The following SPATC1 variants were observed in gnomAD, a reference collection of about 807,000 sequenced individuals.
The protein encoded by SPATC1 is speriolin.
A neutral mutation model predicts 36.5 loss-of-function variants in SPATC1; 35 were observed. That is an observed-to-expected ratio of 0.96 (90% CI 0.73 to 1.27). The LOEUF (loss-of-function observed/expected upper bound fraction) is 1.27, where lower values mean the gene tolerates loss of function less well. Among genes scored for constraint, SPATC1 ranks in the 50% most tolerant of loss-of-function variants. The pLI is 0.00. For missense variants in SPATC1, 779 were observed against 796.0 expected (o/e 0.98, Z 0.26); for synonymous variants, 361 against 353.6 (o/e 1.02, Z -0.24).
intron 1 of SPATC1, among the ~76,000 whole-genome samples, chr8:144,034,062 T>C (rs1212361563): frequency 6.6e-6 from 1 of 152,250 alleles, no homozygotes; most frequent in Non-Finnish European, 1.5e-5. Flanking sequence ...TTTACTTCTA[T>C]CAATCTGAGT....
chr8:144,046,695 G>C lies in SPATC1; in HGVS notation c.1515G>C (p.Val505=). The change falls in exon 5 of 5, where the codon GTG becomes GTC. Residue 505 remains valine, a synonymous_variant. Coordinates refer to ENST00000377470, the MANE Select transcript of SPATC1 (RefSeq NM_198572.3). This position sits in a 1 kb window ranked among gnomAD's most constrained non-coding sequence, Gnocchi z 6.6. The part of the protein sequence containing the change: ...KLCQRLTQRY[V]SVMNRLQSLG... The stretch of plus-strand genomic sequence containing the variant: ...GCCAGAGGCTCACACAGCGCTATGT[G>C]AGCGTCATGAACAGGCTGCAGAGTC... The C allele has an allele frequency of 6.2e-7, 1 of 1,612,554 alleles. No individual in the cohort carries two copies. The highest frequency in any genetic ancestry group is 8.5e-7 in the Non-Finnish European group (1 of 1,179,972).
Position 144,046,591 on chromosome 8 carries a change from G to C in SPATC1, c.1447-36G>C. 6.3e-7 allele frequency: 1 copy of C among 1,575,092 alleles called. No homozygotes were observed. Among genetic ancestry groups the C allele is most frequent in the Non-Finnish European group, 8.6e-7 (1 of 1,162,258 alleles). On this transcript the variant is annotated intron_variant, in intron 4 of 4. Transcript: ENST00000377470. This position sits in a 1 kb window ranked among gnomAD's most constrained non-coding sequence, Gnocchi z 6.6. Reference sequence around the variant, plus strand: ...TTACCTGCCTGTGTGTGGAGGTGTGGCAAGGGAGGGTCCCTGATGGCCGCT... The same window carrying C: ...TTACCTGCCTGTGTGTGGAGGTGTGCCAAGGGAGGGTCCCTGATGGCCGCT...
At chr8:144,034,297 G>A (rs1286260612) in intron 1 of SPATC1, among the ~76,000 whole-genome samples, 7 of 152,222 alleles carry the variant, frequency 4.6e-5, no homozygotes, top group Non-Finnish European at 2.9e-5. Flanking sequence ...TCCACATGAG[G>A]CTGGGCCACC....
chr8:144,027,031 A>G (rs1305804250), intron 1 of SPATC1, among the ~76,000 whole-genome samples: 2 of 122,394 alleles, frequency 1.6e-5, no homozygotes, highest in Non-Finnish European at 3.3e-5. Flanking sequence ...ACGGGGTTTC[A>G]CTATGTTAGC....
At chr8:144,029,202 T>TAAAAAAAAAAA (rs1165801794) in intron 1 of SPATC1, among the ~76,000 whole-genome samples, 1 of 28,154 alleles carries the variant, frequency 3.6e-5, no homozygotes, top group African/African-American at 1.1e-4. Flanking sequence ...ACCCCAGAAC[T>TAAAAAAAAAAA]AAAAAAAAAA....
chr8:144,013,041 C>A (rs1834311888), intron 1 of SPATC1, among the ~76,000 whole-genome samples: 1 of 152,094 alleles, frequency 6.6e-6, no homozygotes, highest in African/African-American at 2.4e-5. Flanking sequence ...GGTATGAAAT[C>A]TTCCTCCTTC....
At chr8:144,019,373 G>A (rs1254617340) in intron 1 of SPATC1, among the ~76,000 whole-genome samples, 2 of 152,220 alleles carry the variant, frequency 1.3e-5, no homozygotes, top group African/African-American at 2.4e-5. Flanking sequence ...GAGACCAGGT[G>A]GCCAGAGTGA....
chr8:144,030,163 C>G (rs1263655629), intron 1 of SPATC1, among the ~76,000 whole-genome samples: 10 of 152,190 alleles, frequency 6.6e-5, no homozygotes, highest in African/African-American at 2.4e-4. Flanking sequence ...TACCCCTTCA[C>G]TTTCAATCTA....
intron 1 of SPATC1, among the ~76,000 whole-genome samples, chr8:144,032,121 C>T (rs1834809868): frequency 6.6e-6 from 1 of 151,972 alleles, no homozygotes; most frequent in Non-Finnish European, 1.5e-5. Context: ...TGATGGTGTC[C>T]CAGAGGTCTC....
chr8:144,047,001 T>C lies in SPATC1; in HGVS notation c.*45T>C. 1.3e-6 allele frequency: 2 copies of C among 1,556,366 alleles called. No homozygotes were observed. Among genetic ancestry groups the C allele is most frequent in the Non-Finnish European group, 1.7e-6 (2 of 1,156,256 alleles). The stretch of plus-strand genomic sequence containing the variant: ...AGGCTCGCTCAGCCCCACAGCCCTG[T>C]GCACGGCCATTAAAGCTTCCCACAG... On this transcript the variant is annotated 3_prime_UTR_variant, in exon 5 of 5. Coordinates refer to ENST00000377470, the MANE Select transcript of SPATC1 (RefSeq NM_198572.3). The surrounding 1 kb of genome is among the most constrained non-coding windows in gnomAD (Gnocchi z 4.1).
rs564519631 is a variant in SPATC1 at position 144,016,958 on chromosome 8, A to G, written c.211+4232A>G. ...CCGCCTGACACTGGTGGTTTGTAAC[A>G]GAGAATAATCATGTTTGTGCTTCAG... On this transcript the variant is annotated intron_variant, in intron 1 of 4. Transcript: ENST00000377470. The surrounding 1 kb of genome is among the most constrained non-coding windows in gnomAD (Gnocchi z 4.5). Among the ~76,000 whole-genome samples the G allele has an allele frequency of 6.6e-5, 10 of 152,322 alleles. No homozygotes were observed. The highest frequency in any genetic ancestry group is 3.4e-3 in the Middle Eastern group (1 of 294).
chr8:144,017,926 A>G (rs929483558), intron 1 of SPATC1, among the ~76,000 whole-genome samples: 27 of 152,216 alleles, frequency 1.8e-4, no homozygotes, highest in Non-Finnish European at 3.4e-4. Flanking sequence ...AGTGTCCAGA[A>G]GCAGTAGCAC....
At chr8:144,020,567 C>T (rs1834492464) in intron 1 of SPATC1, among the ~76,000 whole-genome samples, 1 of 148,408 alleles carries the variant, frequency 6.7e-6, no homozygotes, top group African/African-American at 2.5e-5. Flanking sequence ...GTATCCTCTC[C>T]CCTCAGGACC....
At chr8:144,025,027 C>G (rs1834647801) in intron 1 of SPATC1, among the ~76,000 whole-genome samples, 1 of 148,164 alleles carries the variant, frequency 6.7e-6, no homozygotes. Flanking sequence ...TCAGGACCAT[C>G]TCACCTCAGG....
chr8:144,040,525 T>A, intron 2 of SPATC1, 43 bp from the exon 3 acceptor site: 2 of 1,561,744 alleles, frequency 1.3e-6, no homozygotes, highest in African/African-American at 2.7e-5. Flanking sequence ...CCCACCTCAC[T>A]CTAATCCCCC....
intron 1 of SPATC1, among the ~76,000 whole-genome samples, chr8:144,026,067 C>G (rs912927918): frequency 2.0e-5 from 3 of 152,144 alleles, no homozygotes; most frequent in East Asian, 1.9e-4. Flanking sequence ...GAAACCTCAT[C>G]CCCTTTAGCT....
chr8:144,011,284 A>C (rs974422147), upstream of SPATC1, among the ~76,000 whole-genome samples: 34 of 151,638 alleles, frequency 2.2e-4, no homozygotes, highest in African/African-American at 8.0e-4. This position sits in a 1 kb window ranked among gnomAD's most constrained non-coding sequence, Gnocchi z 4.5. Flanking sequence ...AGAGACCTCA[A>C]CTCTGGTTCT....
intron 1 of SPATC1, among the ~76,000 whole-genome samples, chr8:144,029,202 TAAAAAAAAA>T (rs1165801794): frequency 7.5e-4 from 21 of 28,154 alleles, no homozygotes; most frequent in African/African-American, 1.7e-3. Context: ...ACCCCAGAAC[TAAAAAAAAA>T]AAAAAAAAAA....
intron 1 of SPATC1, among the ~76,000 whole-genome samples, chr8:144,022,724 A>ACTCTCCCCTCAGGATC: frequency 9.6e-6 from 1 of 104,450 alleles, no homozygotes; most frequent in African/African-American, 3.6e-5. Flanking sequence ...CCCTGAGGAA[A>ACTCTCCCCTCAGGATC]CTCTCCCCTC....
Sources: gnomAD v4.1 joint callset for allele counts (sites outside exome capture counted in the v4.1 genomes callset) on GRCh38, gnomAD v4.1.1 for gene constraint, Gnocchi (gnomAD v3.1) non-coding constraint, MANE v1.5 for transcripts, NCBI Gene and HGNC (gene_info 2026-07-23, HGNC 2026-07-21) for gene names.